BPIFB3: variants seen among roughly 807,000 people sequenced by gnomAD.
The protein encoded by BPIFB3 is BPI fold containing family B member 3, also known as BPI fold-containing family B member 3.
A neutral mutation model predicts 53.1 loss-of-function variants in BPIFB3; 49 were observed. The observed-to-expected ratio is 0.92, with a 90% CI of 0.73 to 1.17. The LOEUF is 1.17. Among genes scored for constraint, BPIFB3 ranks in the 50% most tolerant of loss-of-function variants. The probability of loss-of-function intolerance (pLI) is 0.00; values close to 1 mark genes in which losing one functional copy is unlikely to be tolerated. For missense variants in BPIFB3, 628 were observed against 592.5 expected (o/e 1.06, Z -0.62); for synonymous variants, 271 against 269.6 (o/e 1.01, Z -0.05).
Position 33,061,960 on chromosome 20 carries a change from C to A in BPIFB3, c.591+129C>A. Reference sequence around the variant, plus strand: ...TTCCCTTCCACACCCACCTGGTAATCCCATCCGGGCCTGCTGACCGGCCTT... The same window carrying A: ...TTCCCTTCCACACCCACCTGGTAATACCATCCGGGCCTGCTGACCGGCCTT... On this transcript the variant is annotated intron_variant, in intron 5 of 14. Transcript: ENST00000375494. The A allele has an allele frequency of 3.7e-6, 4 of 1,082,248 alleles. 1 individual carries two copies. The South Asian group carries it at 4.5e-5, about 12-fold the overall frequency. The allele number at this position is 1,082,248 out of a possible 1,614,324, so 67.0% of individuals were successfully genotyped here. A position where few individuals can be genotyped will look rare whatever the true frequency, so the allele number is the denominator to read the frequency against.
chr20:33,065,322 G>C (rs1385638094), intron 8 of BPIFB3, among the ~76,000 whole-genome samples: 1 of 152,078 alleles, frequency 6.6e-6, no homozygotes, highest in Non-Finnish European at 1.5e-5. Flanking sequence ...AGGATCTCTT[G>C]AGCCCAGGAG....
chr20:33,059,254 A>T, intron 2 of BPIFB3, 124 bp from the exon 4 acceptor site: 4 of 661,450 alleles, frequency 6.0e-6, no homozygotes, highest in Non-Finnish European at 1.1e-5. Context: ...GTGATGGGCC[A>T]AGGGCTCGCA....
chr20:33,067,185 ACTT>A (rs1980705006), intron 9 of BPIFB3, among the ~76,000 whole-genome samples: 1 of 152,232 alleles, frequency 6.6e-6, no homozygotes. Context: ...CAACTGGCTT[ACTT>A]CATCCTGACC....
chr20:33,062,818 T>C (rs1980511343), intron 5 of BPIFB3, among the ~76,000 whole-genome samples: 1 of 152,190 alleles, frequency 6.6e-6, no homozygotes, highest in Non-Finnish European at 1.5e-5. Flanking sequence ...AGGGTTTGCT[T>C]TCTCCATCCC....
intron 1 of BPIFB3, 95 bp downstream of exon 2, chr20:33,055,642 C>A: frequency 6.4e-7 from 1 of 1,555,464 alleles, no homozygotes; most frequent in South Asian, 1.2e-5. Flanking sequence ...CAGATAAGAG[C>A]AGGTTGTGAT....
At chr20:33,070,288 C>CG (rs1450456888) in intron 11 of BPIFB3, among the ~76,000 whole-genome samples, 1 of 152,162 alleles carries the variant, frequency 6.6e-6, no homozygotes, top group African/African-American at 2.4e-5. Flanking sequence ...AAGAGACAAC[C>CG]GGCCTTGAGT....
intron 11 of BPIFB3, among the ~76,000 whole-genome samples, chr20:33,070,385 A>G (rs1980836359): frequency 6.6e-6 from 1 of 152,218 alleles, no homozygotes; most frequent in African/African-American, 2.4e-5. Flanking sequence ...GCGTCCATCA[A>G]GATAATCATA....
intron 6 of BPIFB3, 147 bp downstream of exon 7, chr20:33,063,822 G>A (rs1373082657): frequency 1.6e-5 from 13 of 808,722 alleles, no homozygotes; most frequent in Admixed American, 3.0e-5. Flanking sequence ...CCCCTTTGAG[G>A]AGCCTCATGG....
chr20:33,071,272 T>G, exon 12 of BPIFB3: 1 of 1,565,470 alleles, frequency 6.4e-7, no homozygotes, highest in Non-Finnish European at 8.7e-7. Context: ...CAAGGTGGCC[T>G]CCTCCTTTAC....
chr20:33,060,166 G>T, intron 4 of BPIFB3, 135 bp downstream of exon 5: 1 of 1,222,412 alleles, frequency 8.2e-7, no homozygotes, highest in Non-Finnish European at 1.1e-6. Flanking sequence ...TGTCCCGCCG[G>T]TTTCAACCCA....
intron 13 of BPIFB3, 85 bp downstream of exon 14, chr20:33,072,252 G>A (rs1273381438): frequency 1.4e-6 from 2 of 1,407,338 alleles, no homozygotes; most frequent in Non-Finnish European, 2.0e-6. Context: ...TGGTTCTGAT[G>A]GGGACACTGA....
intron 11 of BPIFB3, 71 bp downstream of exon 12, chr20:33,070,026 C>T (rs767546350): frequency 4.3e-5 from 67 of 1,542,518 alleles, no homozygotes; most frequent in Middle Eastern, 1.7e-4. Flanking sequence ...TGACAGGATC[C>T]GCCTCCCGTT....
At chr20:33,072,477 A>T (rs918656994) in intron 13 of BPIFB3, among the ~76,000 whole-genome samples, 27 of 152,174 alleles carry the variant, frequency 1.8e-4, no homozygotes, top group African/African-American at 6.5e-4. Flanking sequence ...TGTGTAAGGG[A>T]TTGATGAAGC....
Position 33,061,845 on chromosome 20 carries a change from C to A in BPIFB3, c.591+14C>A. 1 of 1,613,980 alleles carries A rather than the reference C, an allele frequency of 6.2e-7. No individual in the cohort carries two copies. Among genetic ancestry groups the A allele is most frequent in the Non-Finnish European group, 8.5e-7 (1 of 1,179,838 alleles). ...CTTCCGGGACTGGTGAGTGTGCGGG[C>A]CGTGTGCCAGCATGCCCTCTCCCAG... On this transcript the variant is annotated intron_variant, in intron 5 of 14. Transcript: ENST00000375494.
intron 14 of BPIFB3, among the ~76,000 whole-genome samples, chr20:33,073,208 T>A (rs1169898174): frequency 6.6e-6 from 1 of 152,212 alleles, no homozygotes; most frequent in Non-Finnish European, 1.5e-5. Flanking sequence ...AATATTGATA[T>A]GGCCTCACAA....
At chr20:33,072,082 C>G in intron 12 of BPIFB3, 22 bp from the exon 14 acceptor site, 1 of 1,613,742 alleles carries the variant, frequency 6.2e-7, no homozygotes, top group Non-Finnish European at 8.5e-7. Context: ...CCACCCCCAC[C>G]ACCCTGTGTG....
Position 33,072,927 on chromosome 20 carries a change from G to GAGTT in BPIFB3, c.1401+136_1401+139dup, listed in dbSNP as rs1307488467. ...TGATCCATTTTCTAAATTTCTCAGT[G>GAGTT]AGTTACAAATTGCCTAACTTAGGAA... On this transcript the variant is annotated intron_variant, in intron 14 of 14. Transcript: ENST00000375494. 7 of 787,438 alleles carry GAGTT rather than the reference G, an allele frequency of 8.9e-6. No homozygotes were observed. The African/African-American group carries it at 1.1e-4, about 12-fold the overall frequency. The allele number at this position is 787,438 out of a possible 1,614,324, so 48.8% of individuals were successfully genotyped here.
At chr20:33,071,964 T>C in intron 12 of BPIFB3, 140 bp from the exon 14 acceptor site, 1 of 796,910 alleles carries the variant, frequency 1.3e-6, no homozygotes, top group Non-Finnish European at 2.1e-6. Context: ...GCCCAGTGCC[T>C]GCCAGGAGCT....
chr20:33,061,795 C>A (rs750468007), exon 5 of BPIFB3: 1 of 1,614,198 alleles, frequency 6.2e-7, no homozygotes, highest in South Asian at 1.1e-5. Context: ...TCTTTGGGGT[C>A]GTGGAACAGA....
Sources: allele counts gnomAD v4.1 joint callset (sites outside exome capture counted in the v4.1 genomes callset), GRCh38; gene constraint gnomAD v4.1.1; transcripts MANE v1.5; gene names NCBI Gene and HGNC (gene_info 2026-07-23, HGNC 2026-07-21).